The following ACSM3 variants were observed in gnomAD, a reference collection of about 807,000 sequenced individuals.
The protein encoded by ACSM3 is acyl-CoA synthetase medium chain family member 3, also known as acyl-coenzyme A synthetase ACSM3, mitochondrial.
A neutral mutation model predicts 74.1 loss-of-function variants in ACSM3; 61 were observed. The ratio of observed to expected loss-of-function variants is 0.82; its 90% CI spans 0.67 to 1.02. ACSM3 has a LOEUF of 1.02. Ranked by LOEUF, ACSM3 falls within the 50% of genes least tolerant of loss-of-function variation. The pLI, the probability that ACSM3 is intolerant of heterozygous loss-of-function variation, is 0.00. For missense variants in ACSM3, 660 were observed against 697.0 expected, an observed-to-expected ratio of 0.95 and a Z score of 0.60; for synonymous variants, 213 against 241.5, an observed-to-expected ratio of 0.88 and a Z score of 1.09.
At chr16:20,709,905 G>A (rs2079739044) in intron 1 of ACSM3, among the ~76,000 whole-genome samples, 2 of 152,172 alleles carry the variant, frequency 1.3e-5, no homozygotes, top group African/African-American at 2.4e-5. Flanking sequence ...CTGACTTTGT[G>A]ACCCTTGAAT....
intron 1 of ACSM3, among the ~76,000 whole-genome samples, chr16:20,732,050 C>T (rs940393833): frequency 1.3e-5 from 2 of 152,170 alleles, no homozygotes; most frequent in African/African-American, 2.4e-5. Flanking sequence ...CAGCACTTGA[C>T]TCATCTATCC....
intron 1 of ACSM3, among the ~76,000 whole-genome samples, chr16:20,675,787 G>T (rs748417748): frequency 6.6e-6 from 1 of 152,156 alleles, no homozygotes; most frequent in South Asian, 2.1e-4. Context: ...TTGATTCATG[G>T]CTAAATGAAT....
chr16:20,796,771 T>C, intron 13 of ACSM3, 115 bp from the exon 14 acceptor site: 1 of 1,536,002 alleles, frequency 6.5e-7, no homozygotes, highest in African/African-American at 1.4e-5. Context: ...CCAAAACCCA[T>C]TCCAAAGACT....
intron 1 of ACSM3, chr16:20,741,481 G>GGGGGGCC: frequency 7.6e-7 from 1 of 1,308,414 alleles, no homozygotes; most frequent in Non-Finnish European, 9.9e-7. Flanking sequence ...CTGGCAGCCG[G>GGGGGGCC]CCCGCCCGCC....
intron 1 of ACSM3, chr16:20,731,848 A>C (rs2079832356): frequency 4.3e-6 from 1 of 232,816 alleles, no homozygotes; most frequent in Non-Finnish European, 7.9e-6. Flanking sequence ...ATATAGGTAG[A>C]GGGCACCTTT....
At chr16:20,741,635 C>T in intron 1 of ACSM3, 1 of 1,580,080 alleles carries the variant, frequency 6.3e-7, no homozygotes. Context: ...GCTGACGGGG[C>T]CCGCCAGCGT....
At chr16:20,753,462 CAAAAAAAA>C (rs36090074) in intron 2 of ACSM3, among the ~76,000 whole-genome samples, 1 of 101,604 alleles carries the variant, frequency 9.8e-6, no homozygotes, top group Non-Finnish European at 1.8e-5. Context: ...AGACTGTCTC[CAAAAAAAA>C]AAAAAAAAAA....
intron 1 of ACSM3, chr16:20,737,893 C>G: frequency 6.2e-7 from 1 of 1,613,456 alleles, no homozygotes; most frequent in South Asian, 1.1e-5. Context: ...CAAAATAACT[C>G]GAGTCTTCTT....
chr16:20,698,415 A>G (rs1224141667), intron 1 of ACSM3, among the ~76,000 whole-genome samples: 1 of 152,048 alleles, frequency 6.6e-6, no homozygotes, highest in Non-Finnish European at 1.5e-5. Context: ...GGAGGTCTGG[A>G]GGCAGAAAGG....
At chr16:20,683,861 C>T (rs921858251) in intron 1 of ACSM3, among the ~76,000 whole-genome samples, 4 of 152,136 alleles carry the variant, frequency 2.6e-5, no homozygotes, top group African/African-American at 9.7e-5. Context: ...AGCCACCACC[C>T]AGGCCAAGTC....
At chr16:20,764,567 T>TA (rs1425143393) in intron 1 of ACSM3, 1 of 151,836 alleles carries the variant, frequency 6.6e-6, no homozygotes, top group Non-Finnish European at 1.5e-5. Context: ...CTACTGAAAA[T>TA]AAAAAATTAG....
Position 20,766,058 on chromosome 16 carries a change from A to T in ACSM3, c.-52+1933A>T, listed in dbSNP as rs182441015. ...GTGATTAATAATTGTTGAATAAATA[A>T]ATGAATCATGCCAACCTACCAAGAA... On this transcript the variant is annotated intron_variant, in intron 1 of 13. Transcript: ENST00000289416. Among the ~76,000 whole-genome samples, 72 of 152,328 alleles carry T rather than the reference A, an allele frequency of 4.7e-4. No individual in the cohort carries two copies. In the East Asian group the frequency reaches 7.1e-3, roughly 15 times the overall value.
At chr16:20,730,048 C>T (rs2152406140) in intron 1 of ACSM3, among the ~76,000 whole-genome samples, 2 of 152,286 alleles carry the variant, frequency 1.3e-5, no homozygotes, top group Middle Eastern at 6.8e-3. Context: ...CTGCATTTGC[C>T]TACCTTAGAT....
At chr16:20,698,651 G>A (rs757513190) in intron 1 of ACSM3, among the ~76,000 whole-genome samples, 1 of 152,048 alleles carries the variant, frequency 6.6e-6, no homozygotes, top group African/African-American at 2.4e-5. Context: ...TGGGATTATA[G>A]GTGCCCGCCA....
At position 20,780,764 on chromosome 16, in the gene ACSM3, T is replaced by C. The variant is rs757774573; in HGVS notation, c.689T>C (p.Met230Thr). The change falls in exon 5 of 14, where the codon ATG (methionine) becomes ACG (threonine). Residue 230 changes from methionine to threonine, a missense_variant. Transcript: ENST00000289416. ...GTGAAGACAAAACACAATGAGATCATGGCCATATTCTTTACCAGTGGAACA... is the reference window on the plus strand; with the variant it reads ...GTGAAGACAAAACACAATGAGATCACGGCCATATTCTTTACCAGTGGAACA... Reference protein sequence around the residue: ...TCVKTKHNEIMAIFFTSGTSG... With the variant: ...TCVKTKHNEITAIFFTSGTSG... The C allele has an allele frequency of 9.5e-5, 154 of 1,614,096 alleles. No homozygotes were observed. Among genetic ancestry groups the C allele is most frequent in the Non-Finnish European group, 1.2e-4 (147 of 1,180,028 alleles).
At chr16:20,692,808 G>C (rs1039323411) in intron 1 of ACSM3, among the ~76,000 whole-genome samples, 1 of 152,144 alleles carries the variant, frequency 6.6e-6, no homozygotes, top group African/African-American at 2.4e-5. Flanking sequence ...AAACCCATCT[G>C]ATGAGAATTT....
chr16:20,765,055 G>T (rs747798942), intron 1 of ACSM3, among the ~76,000 whole-genome samples: 1 of 152,182 alleles, frequency 6.6e-6, no homozygotes, highest in African/African-American at 2.4e-5. Context: ...GATGTTTAGG[G>T]AGCTGTGGGG....
intron 1 of ACSM3, among the ~76,000 whole-genome samples, chr16:20,725,634 T>C (rs755548225): frequency 5.9e-5 from 9 of 152,168 alleles, no homozygotes; most frequent in Non-Finnish European, 1.3e-4. Context: ...CCCAAGACTC[T>C]ACTCGATGCC....
At chr16:20,788,602 G>A (rs983464604) in intron 9 of ACSM3, among the ~76,000 whole-genome samples, 6 of 152,120 alleles carry the variant, frequency 3.9e-5, no homozygotes, top group African/African-American at 1.4e-4. Context: ...TTCCAACCAG[G>A]TGAATATCAG....
Sources: allele counts gnomAD v4.1 joint callset (sites outside exome capture counted in the v4.1 genomes callset), GRCh38; gene constraint gnomAD v4.1.1; transcripts MANE v1.5; gene names NCBI Gene and HGNC (gene_info 2026-07-23, HGNC 2026-07-21).